NPEPPS: variants seen among roughly 807,000 people sequenced by gnomAD.
NPEPPS encodes aminopeptidase puromycin sensitive, also known as puromycin-sensitive aminopeptidase.
In NPEPPS, 14 loss-of-function variants were observed where a neutral mutation model predicts 115.5. The ratio of observed to expected loss-of-function variants is 0.12; its 90% CI spans 0.08 to 0.19. The LOEUF is 0.19. Among genes scored for constraint, NPEPPS ranks in the 10% least tolerant of loss-of-function variants. The pLI is 1.00. For missense variants in NPEPPS, 523 were observed against 1,110.8 expected, an observed-to-expected ratio of 0.47 and a Z score of 7.52; for synonymous variants, 285 against 390.6, an observed-to-expected ratio of 0.73 and a Z score of 3.19.
At chr17:47,551,187 A>G (rs957816362) in intron 2 of NPEPPS, among the ~76,000 whole-genome samples, 7 of 152,110 alleles carry the variant, frequency 4.6e-5, no homozygotes, top group African/African-American at 4.8e-5. Flanking sequence ...GTGAATTTAA[A>G]TCTTGTTGAT....
At chr17:47,600,735 T>C (rs1376059932) in intron 14 of NPEPPS, among the ~76,000 whole-genome samples, 3 of 152,226 alleles carry the variant, frequency 2.0e-5, no homozygotes, top group Admixed American at 6.5e-5. Context: ...TAATGCCAAG[T>C]CTGTTTTGCT....
chr17:47,524,896 G>A (rs1907373826), intron 1 of NPEPPS, among the ~76,000 whole-genome samples: 1 of 149,160 alleles, frequency 6.7e-6, no homozygotes, highest in Non-Finnish European at 1.5e-5. Context: ...TCCTGCCTCA[G>A]TCTCCCAAAT....
intron 3 of NPEPPS, 38 bp downstream of exon 3, chr17:47,569,532 A>G (rs775816511): frequency 5.3e-6 from 5 of 936,160 alleles, no homozygotes; most frequent in South Asian, 4.4e-5. Flanking sequence ...CGTGATGAAT[A>G]TAGTGACATC....
intron 2 of NPEPPS, among the ~76,000 whole-genome samples, chr17:47,565,867 GT>G (rs1381286323): frequency 6.6e-6 from 1 of 152,152 alleles, no homozygotes; most frequent in Non-Finnish European, 1.5e-5. Flanking sequence ...GACATAAAGT[GT>G]TTAGATATCT....
chr17:47,584,175 C>T (rs1322530313), intron 5 of NPEPPS, among the ~76,000 whole-genome samples: 10 of 138,920 alleles, frequency 7.2e-5, no homozygotes, highest in Middle Eastern at 5.0e-3. Flanking sequence ...GAGTTGAGAT[C>T]GCGCCACTCC....
At position 47,562,141 on chromosome 17, in the gene NPEPPS, C is replaced by T. The variant is rs572790445; in HGVS notation, c.341-7276C>T. ...CTATTCTTTATAATAAACCAGTACA[C>T]GTGTTTTCCTGAGTTCTGGGCACAG... On this transcript the variant is annotated intron_variant, in intron 2 of 22. Transcript: ENST00000322157. Among the ~76,000 whole-genome samples the T allele has an allele frequency of 8.1e-3, 1,233 of 152,280 alleles. 11 individuals are homozygous for T. Among genetic ancestry groups the T allele is most frequent in the Non-Finnish European group, 0.014 (925 of 68,018 alleles).
intron 2 of NPEPPS, among the ~76,000 whole-genome samples, chr17:47,552,658 T>C (rs1358353957): frequency 6.6e-6 from 1 of 152,180 alleles, no homozygotes. Flanking sequence ...TAAGGTGATA[T>C]GGATTGCTTT....
At chr17:47,524,751 G>A (rs1391012228) in intron 1 of NPEPPS, among the ~76,000 whole-genome samples, 1 of 149,790 alleles carries the variant, frequency 6.7e-6, no homozygotes, top group South Asian at 2.1e-4. Context: ...TGATCCGTCT[G>A]CCTCGGCCTC....
At chr17:47,530,005 C>T (rs1835642054), upstream of NPEPPS, among the ~76,000 whole-genome samples, 1 of 144,006 alleles carries the variant, frequency 6.9e-6, no homozygotes, top group Non-Finnish European at 1.5e-5. Context: ...GGCGCAATCT[C>T]GGCTCACTGC....
At chr17:47,618,296 G>A (rs1914338119) in intron 19 of NPEPPS, 54 bp from the exon 20 acceptor site, 1 of 1,187,714 alleles carries the variant, frequency 8.4e-7, no homozygotes, top group African/African-American at 1.5e-5. Context: ...ATAATCATAT[G>A]CAGAACATCC....
At chr17:47,555,754 A>G (rs997963071) in intron 2 of NPEPPS, among the ~76,000 whole-genome samples, 2 of 151,714 alleles carry the variant, frequency 1.3e-5, no homozygotes, top group African/African-American at 4.8e-5. Flanking sequence ...TTCCTGGTAC[A>G]TAAGGAAGAG....
intron 4 of NPEPPS, chr17:47,579,892 A>G (rs1360554001): frequency 6.0e-6 from 1 of 166,972 alleles, no homozygotes; most frequent in Non-Finnish European, 1.2e-5. Context: ...TGTTTATCTT[A>G]CTGTAGTATC....
intron 2 of NPEPPS, among the ~76,000 whole-genome samples, chr17:47,558,166 T>C (rs1310201109): frequency 1.3e-5 from 2 of 151,968 alleles, no homozygotes; most frequent in Admixed American, 6.6e-5. Flanking sequence ...CTCGCTCTGC[T>C]GCCGAGGCTG....
chr17:47,599,884 C>T, intron 14 of NPEPPS, 145 bp downstream of exon 14: 1 of 650,596 alleles, frequency 1.5e-6, no homozygotes, highest in East Asian at 2.9e-5. Flanking sequence ...ATAGCGTGAT[C>T]TTGGCTCACT....
chr17:47,556,742 C>G (rs533974813), intron 2 of NPEPPS, among the ~76,000 whole-genome samples: 1 of 152,208 alleles, frequency 6.6e-6, no homozygotes, highest in Non-Finnish European at 1.5e-5. Context: ...CGGGGCGGCT[C>G]AAGCAATTCT....
At chr17:47,524,690 A>G (rs9908027) in intron 1 of NPEPPS, among the ~76,000 whole-genome samples, 147,635 of 147,640 alleles carry the variant, frequency 1, 73,815 homozygotes, top group Middle Eastern at 1. Flanking sequence ...ATTTTTAGTA[A>G]AGACGGGGTT....
chr17:47,590,221 A>G (rs377043196), intron 9 of NPEPPS, among the ~76,000 whole-genome samples: 5 of 151,998 alleles, frequency 3.3e-5, no homozygotes, highest in Non-Finnish European at 7.4e-5. Flanking sequence ...GTTATTTACA[A>G]TGTTTTGAAA....
chr17:47,568,644 A>ATG (rs1910988386), intron 2 of NPEPPS, among the ~76,000 whole-genome samples: 2 of 151,836 alleles, frequency 1.3e-5, no homozygotes, highest in Non-Finnish European at 2.9e-5. Context: ...ACCTGTTTTC[A>ATG]TGTAACAACA....
At chr17:47,574,159 A>G (rs1225719575) in intron 3 of NPEPPS, among the ~76,000 whole-genome samples, 1 of 152,158 alleles carries the variant, frequency 6.6e-6, no homozygotes, top group Admixed American at 6.6e-5. Context: ...TTAAGAAGAA[A>G]GACTGAAAAT....
Sources: gnomAD v4.1 joint callset for allele counts (sites outside exome capture counted in the v4.1 genomes callset) on GRCh38, gnomAD v4.1.1 for gene constraint, MANE v1.5 for transcripts, NCBI Gene and HGNC (gene_info 2026-07-23, HGNC 2026-07-21) for gene names.